SLC4A10: variants seen among roughly 807,000 people sequenced by gnomAD.
SLC4A10 encodes sodium-driven chloride bicarbonate exchanger.
A neutral mutation model predicts 137.7 loss-of-function variants in SLC4A10; 42 were observed. The ratio of observed to expected loss-of-function variants is 0.30; its 90% CI spans 0.24 to 0.39. The LOEUF is 0.39. Among genes scored for constraint, SLC4A10 ranks in the 10% least tolerant of loss-of-function variants. The pLI is 1.00. For synonymous variants in SLC4A10, 474 were observed against 464.1 expected, an observed-to-expected ratio of 1.02 and a Z score of -0.27; for missense variants, 925 against 1,355.0, an observed-to-expected ratio of 0.68 and a Z score of 4.98.
In SLC4A10 at chr2:161,656,994, A is replaced by G. The variant is rs183075711; in HGVS notation, c.48+32428A>G. 2.6e-5 allele frequency among the ~76,000 whole-genome samples: 4 copies of G among 152,228 alleles called. No homozygotes were observed. The East Asian group carries it at 7.7e-4, about 29-fold the overall frequency. On this transcript the variant is annotated intron_variant, in intron 1 of 26. Coordinates refer to ENST00000446997, the MANE Select transcript of SLC4A10 (RefSeq NM_001178015.2). ...GATTTATAATTTGTTAGATTCTGAG[A>G]TGTAATATTTCAGGTGATATTCAAG...
At chr2:161,910,882 GAAAA>G (rs1685671719) in intron 15 of SLC4A10, among the ~76,000 whole-genome samples, 1 of 151,782 alleles carries the variant, frequency 6.6e-6, no homozygotes, top group Non-Finnish European at 1.5e-5. Context: ...CTTTAAAGTA[GAAAA>G]CATTTAACAA....
intron 2 of SLC4A10, among the ~76,000 whole-genome samples, chr2:161,782,320 C>A (rs1359450672): frequency 6.6e-6 from 1 of 152,004 alleles, no homozygotes; most frequent in Non-Finnish European, 1.5e-5. Flanking sequence ...ATAAGTTGAA[C>A]AAGCATGAGG....
intron 3 of SLC4A10, among the ~76,000 whole-genome samples, chr2:161,818,768 A>C (rs1301780491): frequency 1.3e-5 from 2 of 152,096 alleles, no homozygotes. Context: ...CTGTTTATAT[A>C]CTGGATTACA....
At chr2:161,953,162 A>T (rs1014228504) in intron 19 of SLC4A10, among the ~76,000 whole-genome samples, 2 of 152,178 alleles carry the variant, frequency 1.3e-5, no homozygotes, top group African/African-American at 4.8e-5. Context: ...CACATCATGT[A>T]TCTAAGTCTA....
chr2:161,974,982 TA>T (rs1699154262), intron 24 of SLC4A10, among the ~76,000 whole-genome samples: 3 of 152,166 alleles, frequency 2.0e-5, no homozygotes, highest in Admixed American at 6.5e-5. Context: ...TGCCCAATTT[TA>T]TAGTCTCAAA....
intron 15 of SLC4A10, among the ~76,000 whole-genome samples, chr2:161,928,290 C>T (rs1465268726): frequency 1.4e-5 from 2 of 146,664 alleles, no homozygotes; most frequent in Non-Finnish European, 1.5e-5. Context: ...CCAAACACGG[C>T]ATATTCTCAC....
chr2:161,636,005 A>G (rs1454113730), intron 1 of SLC4A10, among the ~76,000 whole-genome samples: 1 of 152,106 alleles, frequency 6.6e-6, no homozygotes, highest in Non-Finnish European at 1.5e-5. Flanking sequence ...TTCATCATAA[A>G]TTTGATGTTT....
chr2:161,684,518 T>C (rs1325645015), intron 1 of SLC4A10, among the ~76,000 whole-genome samples: 1 of 152,118 alleles, frequency 6.6e-6, no homozygotes, highest in Non-Finnish European at 1.5e-5. Flanking sequence ...GAGCAAGGAC[T>C]TGAGAGAAGA....
intron 6 of SLC4A10, among the ~76,000 whole-genome samples, chr2:161,871,798 C>T (rs2125923135): frequency 6.6e-6 from 1 of 152,048 alleles, no homozygotes; most frequent in Admixed American, 6.5e-5. Context: ...GAGTTATGGC[C>T]AAAGAAATTT....
intron 1 of SLC4A10, among the ~76,000 whole-genome samples, chr2:161,669,641 G>A (rs557522953): frequency 1.3e-5 from 2 of 152,058 alleles, no homozygotes; most frequent in South Asian, 4.1e-4. Context: ...AAATCATGTG[G>A]TATATAAACA....
At position 161,984,200 on chromosome 2, in the gene SLC4A10, T is replaced by C. The variant is rs1165172820; in HGVS notation, c.*1048T>C. ...TTGTCATTTTTTTTCTGCAGAGTTT[T>C]TTTTTTCCACTTTTAAATTAAATGC... On this transcript the variant is annotated 3_prime_UTR_variant, in exon 27 of 27. Coordinates refer to ENST00000446997, the MANE Select transcript of SLC4A10 (RefSeq NM_001178015.2). 6.6e-6 allele frequency: 1 copy of C among 152,184 alleles called. No homozygotes were observed. The highest frequency in any genetic ancestry group is 1.5e-5 in the Non-Finnish European group (1 of 68,006). 9.4% of individuals were successfully genotyped at this position (152,184 alleles called of 1,614,324 possible).
chr2:161,935,184 T>A (rs1691358433), intron 15 of SLC4A10, among the ~76,000 whole-genome samples: 1 of 152,158 alleles, frequency 6.6e-6, no homozygotes, highest in Non-Finnish European at 1.5e-5. Flanking sequence ...TTGTCGAAAA[T>A]CATTTGACCT....
chr2:161,950,884 T>C, intron 19 of SLC4A10, 36 bp downstream of exon 19: 1 of 1,499,466 alleles, frequency 6.7e-7, no homozygotes, highest in Non-Finnish European at 9.1e-7. Context: ...TAAATAATTA[T>C]GACAACTGAT....
At chr2:161,733,965 T>G (rs2047066596) in intron 1 of SLC4A10, among the ~76,000 whole-genome samples, 1 of 152,210 alleles carries the variant, frequency 6.6e-6, no homozygotes, top group African/African-American at 2.4e-5. Flanking sequence ...TTTGGTCAAT[T>G]TCTCCCATTT....
At chr2:161,974,368 A>ATC in intron 24 of SLC4A10, 52 bp downstream of exon 24, 1 of 1,393,204 alleles carries the variant, frequency 7.2e-7, no homozygotes, top group Non-Finnish European at 9.8e-7. Context: ...ATGCATTGTT[A>ATC]TATACTTTAA....
intron 5 of SLC4A10, among the ~76,000 whole-genome samples, chr2:161,857,136 A>T (rs2060151985): frequency 6.6e-6 from 1 of 152,154 alleles, no homozygotes; most frequent in East Asian, 1.9e-4. Context: ...GTTCACTTTC[A>T]TTGTCCAAAA....
intron 6 of SLC4A10, among the ~76,000 whole-genome samples, chr2:161,870,982 A>G (rs954797872): frequency 6.6e-6 from 1 of 151,892 alleles, no homozygotes; most frequent in African/African-American, 2.4e-5. Flanking sequence ...TAAACCATAA[A>G]ATTACTCCTA....
intron 1 of SLC4A10, among the ~76,000 whole-genome samples, chr2:161,672,624 T>C (rs2039862169): frequency 6.6e-6 from 1 of 152,164 alleles, no homozygotes; most frequent in Non-Finnish European, 1.5e-5. Flanking sequence ...AAACATTTCA[T>C]GCAGCATTAC....
At chr2:161,887,938 G>A (rs918570489) in intron 10 of SLC4A10, among the ~76,000 whole-genome samples, 1 of 152,128 alleles carries the variant, frequency 6.6e-6, no homozygotes, top group African/African-American at 2.4e-5. Context: ...AGGGCTTTAG[G>A]TCTTACATTT....
Sources: allele counts gnomAD v4.1 joint callset (sites outside exome capture counted in the v4.1 genomes callset), GRCh38; gene constraint gnomAD v4.1.1; transcripts MANE v1.5; gene names NCBI Gene and HGNC (gene_info 2026-07-23, HGNC 2026-07-21).